Variants in KCND3 observed in about 807,000 individuals in gnomAD.
KCND3 encodes A-type voltage-gated potassium channel KCND3.
KCND3 carries 9 observed loss-of-function variants against 51.1 expected under a neutral mutation model. That is an observed-to-expected ratio of 0.18 (90% CI 0.11 to 0.31). The LOEUF (loss-of-function observed/expected upper bound fraction) is 0.31. Among genes scored for constraint, KCND3 ranks in the 10% least tolerant of loss-of-function variants. The pLI, the probability that KCND3 is intolerant of heterozygous loss-of-function variation, is 1.00. For synonymous variants in KCND3, 349 were observed against 368.0 expected (o/e 0.95, Z 0.59); for missense variants, 526 against 903.8 (o/e 0.58, Z 5.36).
Position 111,775,918 on chromosome 1 carries a change from CCT to C in KCND3, c.*157_*158del. The C allele has an allele frequency of 1.3e-6, 1 of 758,886 alleles. No homozygotes were observed. The highest frequency in any genetic ancestry group is 1.5e-5 in the South Asian group (1 of 68,544). The allele number at this position is 758,886 out of a possible 1,614,324, so 47.0% of individuals were successfully genotyped here. ...GTGAACCTCAGGTGCCCCTTTGCTA[CCT>C]CTTTTTCCTTCCAGGCACAAGTCTC... On this transcript the variant is annotated 3_prime_UTR_variant, in exon 8 of 8. Transcript: ENST00000302127.
At chr1:111,950,730 TA>T (rs1673020611) in intron 2 of KCND3, among the ~76,000 whole-genome samples, 1 of 152,104 alleles carries the variant, frequency 6.6e-6, no homozygotes, top group African/African-American at 2.4e-5. Context: ...AGCCCTTCCT[TA>T]AGGCCTTTGA....
Position 111,982,756 on chromosome 1 carries a change from C to A in KCND3, c.-30G>T. The A allele has an allele frequency of 1.3e-6, 2 of 1,586,380 alleles. No homozygotes were observed. The highest frequency in any genetic ancestry group is 2.3e-5 in the East Asian group (1 of 43,992). On this transcript the variant is annotated 5_prime_UTR_variant, in exon 2 of 8. Transcript: ENST00000302127. The surrounding 1 kb of genome is among the most constrained non-coding windows in gnomAD (Gnocchi z 8.5). ...ACTCCAGCTCTTGGGCCGGCAGCCG[C>A]GCGGACGCTAGGCACACCAGCTTGG...
chr1:111,779,581 C>T (rs974878059), intron 5 of KCND3, among the ~76,000 whole-genome samples: 5 of 152,004 alleles, frequency 3.3e-5, no homozygotes, highest in Non-Finnish European at 7.4e-5. Flanking sequence ...TCCTTTCAGT[C>T]TGATGGTTAG....
chr1:111,982,244 G>A lies in KCND3; in HGVS notation c.483C>T (p.Pro161=), dbSNP rs988248643. 7.4e-6 allele frequency: 12 copies of A among 1,614,014 alleles called. No homozygotes were observed. Among genetic ancestry groups the A allele is most frequent in the Non-Finnish European group, 1.0e-5 (12 of 1,180,038 alleles). Residue 161 remains proline (P), a synonymous_variant, in exon 2 of 8, where the codon CCC becomes CCT. Coordinates refer to ENST00000302127, the MANE Select transcript of KCND3 (RefSeq NM_001378969.1). The surrounding 1 kb of genome is among the most constrained non-coding windows in gnomAD (Gnocchi z 8.5). The part of the protein sequence containing the change: ...NDSENNQESM[P]SLSFRQTMWR... ...ACATGGTCTGGCGGAAGCTGAGCGA[G>A]GGCATGGACTCCTGGTTGTTCTCCG... is the stretch of plus-strand genomic sequence containing the variant.
intron 2 of KCND3, among the ~76,000 whole-genome samples, chr1:111,923,403 C>T (rs1557721633): frequency 6.6e-6 from 1 of 152,230 alleles, no homozygotes; most frequent in African/African-American, 2.4e-5. Flanking sequence ...CAAGATTGCC[C>T]TATACCCTTC....
At chr1:111,895,950 G>A (rs1670089415) in intron 2 of KCND3, among the ~76,000 whole-genome samples, 1 of 152,238 alleles carries the variant, frequency 6.6e-6, no homozygotes, top group African/African-American at 2.4e-5. Context: ...AGAAGTTCAG[G>A]AAGCAGTTCT....
intron 2 of KCND3, among the ~76,000 whole-genome samples, chr1:111,934,547 C>T (rs1672126901): frequency 6.6e-6 from 1 of 152,168 alleles, no homozygotes; most frequent in Admixed American, 6.5e-5. Context: ...CCCAGACCAG[C>T]GCCCCGCCAG....
At chr1:111,973,626 CA>C (rs770391122) in intron 2 of KCND3, among the ~76,000 whole-genome samples, 6 of 152,234 alleles carry the variant, frequency 3.9e-5, no homozygotes, top group Non-Finnish European at 5.9e-5. Flanking sequence ...ACTTCTGAAG[CA>C]AACAAATATC....
chr1:111,944,029 C>T lies in KCND3; in HGVS notation c.1106+37592G>A, dbSNP rs187731994. ...TAAATCTGTCAGGAAAGCATAAAGA[C>T]AGCGCCCTCATCCATCTTCTTGACA... On this transcript the variant is annotated intron_variant, in intron 2 of 7. Coordinates refer to ENST00000302127, the MANE Select transcript of KCND3 (RefSeq NM_001378969.1). 8.1e-3 allele frequency among the ~76,000 whole-genome samples: 1,240 copies of T among 152,330 alleles called. 15 individuals are homozygous for T. Among genetic ancestry groups the T allele is most frequent in the Non-Finnish European group, 0.012 (812 of 68,034 alleles).
intron 2 of KCND3, among the ~76,000 whole-genome samples, chr1:111,790,817 G>T (rs1300431855): frequency 6.6e-6 from 1 of 152,170 alleles, no homozygotes; most frequent in Non-Finnish European, 1.5e-5. Context: ...CATGTGAATG[G>T]AACCATATAT....
At chr1:111,886,483 C>T (rs1244437591) in intron 2 of KCND3, among the ~76,000 whole-genome samples, 2 of 152,210 alleles carry the variant, frequency 1.3e-5, no homozygotes, top group African/African-American at 4.8e-5. Context: ...AACCTGTCTT[C>T]AAACATTTGA....
chr1:111,775,827 A>AC lies in KCND3; in HGVS notation c.*249dup. 1.3e-5 allele frequency: 1 copy of AC among 75,850 alleles called. No individual in the cohort carries two copies. The highest frequency in any genetic ancestry group is 2.4e-5 in the Non-Finnish European group (1 of 40,986). The allele number at this position is 75,850 out of a possible 1,614,324, so 4.7% of individuals were successfully genotyped here. A position where few individuals can be genotyped will look rare whatever the true frequency, so the allele number is the denominator to read the frequency against. ...CCCCCGGCCTATCCCCGACCCCCCC[A>AC]CCCTCCCTCCCTTCCTCTGGCCCCA... On this transcript the variant is annotated 3_prime_UTR_variant, in exon 8 of 8. Coordinates refer to ENST00000302127, the MANE Select transcript of KCND3 (RefSeq NM_001378969.1).
At chr1:111,912,705 G>A (rs963478849) in intron 2 of KCND3, among the ~76,000 whole-genome samples, 1 of 152,072 alleles carries the variant, frequency 6.6e-6, no homozygotes, top group Admixed American at 6.5e-5. Flanking sequence ...GCTAATGTGT[G>A]TGTTTGTGTC....
chr1:111,845,686 T>TGAG (rs1667515210), intron 2 of KCND3, among the ~76,000 whole-genome samples: 1 of 152,166 alleles, frequency 6.6e-6, no homozygotes, highest in African/African-American at 2.4e-5. Flanking sequence ...AACAGCCCTG[T>TGAG]GAGGTGCTTC....
intron 2 of KCND3, among the ~76,000 whole-genome samples, chr1:111,971,012 G>A (rs1186199237): frequency 6.6e-6 from 1 of 152,158 alleles, no homozygotes; most frequent in Non-Finnish European, 1.5e-5. Context: ...CCAAGGGAAA[G>A]GAAGGAGTAA....
At chr1:111,850,651 T>C (rs1667771115) in intron 2 of KCND3, among the ~76,000 whole-genome samples, 1 of 152,186 alleles carries the variant, frequency 6.6e-6, no homozygotes, top group Non-Finnish European at 1.5e-5. Context: ...CTGACATGGC[T>C]GGTCCGGCCA....
At chr1:111,915,752 CA>C (rs35574221) in intron 2 of KCND3, among the ~76,000 whole-genome samples, 455 of 67,308 alleles carry the variant, frequency 6.8e-3, no homozygotes, top group African/African-American at 0.026. Flanking sequence ...GACTCTGTCT[CA>C]AAAAAAAAAA....
intron 2 of KCND3, among the ~76,000 whole-genome samples, chr1:111,967,184 G>A (rs1486592880): frequency 2.7e-5 from 4 of 150,908 alleles, no homozygotes; most frequent in Admixed American, 6.6e-5. Context: ...AAACAAAAAC[G>A]GGGTCGGGGG....
intron 2 of KCND3, among the ~76,000 whole-genome samples, chr1:111,872,724 G>A (rs555019936): frequency 6.6e-6 from 1 of 152,254 alleles, no homozygotes; most frequent in East Asian, 1.9e-4. Context: ...GGTTGGAGCC[G>A]GGATTCCTGA....
Sources: allele counts gnomAD v4.1 joint callset (sites outside exome capture counted in the v4.1 genomes callset), GRCh38; gene constraint gnomAD v4.1.1; non-coding constraint Gnocchi (gnomAD v3.1); transcripts MANE v1.5; gene names NCBI Gene and HGNC (gene_info 2026-07-23, HGNC 2026-07-21).